Variants in RPS6KA4 observed in about 807,000 individuals in gnomAD.
The protein encoded by RPS6KA4 is ribosomal protein S6 kinase alpha-4.
A neutral mutation model predicts 89.6 loss-of-function variants in RPS6KA4; 38 were observed. The ratio of observed to expected loss-of-function variants is 0.42; its 90% CI spans 0.33 to 0.56. The LOEUF (loss-of-function observed/expected upper bound fraction) is 0.56. Ranked by LOEUF, RPS6KA4 falls within the 20% of genes least tolerant of loss-of-function variation. The pLI, the probability that RPS6KA4 is intolerant of heterozygous loss-of-function variation, is 0.07. For synonymous variants in RPS6KA4, 495 were observed against 492.8 expected, an observed-to-expected ratio of 1.00 and a Z score of -0.06; for missense variants, 873 against 1,098.8, an observed-to-expected ratio of 0.79 and a Z score of 2.90.
chr11:64,368,270 G>A lies in RPS6KA4; in HGVS notation c.1200+10G>A, dbSNP rs1372876220. 3.1e-6 allele frequency: 5 copies of A among 1,612,828 alleles called. No individual in the cohort carries two copies. Among genetic ancestry groups the A allele is most frequent in the Non-Finnish European group, 3.4e-6 (4 of 1,179,864 alleles). ...GAGCGCTATGATGCAGGTGGGCTGGGCTGGGCTGGGTTGGGGGGAAATTGG... is the reference window on the plus strand; with the variant it reads ...GAGCGCTATGATGCAGGTGGGCTGGACTGGGCTGGGTTGGGGGGAAATTGG... On this transcript the variant is annotated intron_variant, in intron 10 of 16. Coordinates refer to ENST00000334205, the MANE Select transcript of RPS6KA4 (RefSeq NM_003942.3).
rs1238821750 is a variant in RPS6KA4 at position 64,371,710 on chromosome 11, G to A, written c.*230G>A. 1 of 463,796 alleles carries A rather than the reference G, an allele frequency of 2.2e-6. No individual in the cohort carries two copies. The highest frequency in any genetic ancestry group is 3.1e-5 in the South Asian group (1 of 31,762). The allele number at this position is 463,796 out of a possible 1,614,324, so 28.7% of individuals were successfully genotyped here. On this transcript the variant is annotated 3_prime_UTR_variant, in exon 17 of 17. Transcript: ENST00000334205. Reference sequence around the variant, plus strand: ...GGGCCTGCTGGGGAGTGGGGTTTGGGGGGCCCTCTCCCAGGACACTGCCTC... The same window carrying A: ...GGGCCTGCTGGGGAGTGGGGTTTGGAGGGCCCTCTCCCAGGACACTGCCTC...
rs555410275 is a variant in RPS6KA4, at chr11:64,371,151, C to T, written c.2122-132C>T. The T allele has an allele frequency of 1.6e-4, 110 of 675,654 alleles. No individual in the cohort carries two copies. In the South Asian group the frequency reaches 1.8e-3, roughly 11 times the overall value. 41.9% of individuals were successfully genotyped at this position (675,654 alleles called of 1,614,324 possible). A position where few individuals can be genotyped will look rare whatever the true frequency, so the allele number is the denominator to read the frequency against. Reference sequence around the variant, plus strand: ...AGGGAGGTGAACCGAATCCGGTGGTCGGTCTGGAGGCCAAGGCCCTGTCGG... The same window carrying T: ...AGGGAGGTGAACCGAATCCGGTGGTTGGTCTGGAGGCCAAGGCCCTGTCGG... On this transcript the variant is annotated intron_variant, in intron 16 of 16. Coordinates refer to ENST00000334205, the MANE Select transcript of RPS6KA4 (RefSeq NM_003942.3).
chr11:64,365,454 C>G lies in RPS6KA4; in HGVS notation c.1060C>G (p.Arg354Gly), dbSNP rs2036856716. Residue 354 changes from arginine (R) to glycine (G), a missense_variant, in exon 9 of 17, where the codon CGA becomes GGA. Coordinates refer to ENST00000334205, the MANE Select transcript of RPS6KA4 (RefSeq NM_003942.3). ...TGGCAGCCCCCCACCTGGGGACCCC[C>G]GAATCTTTCAGGTGAGGGGAAACTC... The part of the protein sequence containing the change: ...PPGSPPPGDP[R>G]IFQGYSFVAP... 14 of 1,613,826 alleles carry G rather than the reference C, an allele frequency of 8.7e-6. No homozygotes were observed. The highest frequency in any genetic ancestry group is 1.1e-5 in the Non-Finnish European group (13 of 1,179,986).
At position 64,369,508 on chromosome 11, in the gene RPS6KA4, G is replaced by T; in HGVS notation, c.1491G>T (p.Lys497Asn). Residue 497 changes from lysine (K) to asparagine (N), a missense_variant, in exon 13 of 17, where the codon AAG becomes AAT. Around this residue, in one of 4 missense-constraint regions of RPS6KA4, gnomAD observed 542 missense variants for 736.4 expected, o/e 0.74. Coordinates refer to ENST00000334205, the MANE Select transcript of RPS6KA4 (RefSeq NM_003942.3). Reference sequence around the variant, plus strand: ...GGGAGCTGCTGGAGCACATCCGCAAGAAGCGGCACTTCAGCGAGTCGGAAG... The same window carrying T: ...GGGAGCTGCTGGAGCACATCCGCAATAAGCGGCACTTCAGCGAGTCGGAAG... ...RGGELLEHIR[K>N]KRHFSESEAS... The T allele has an allele frequency of 6.2e-7, 1 of 1,610,192 alleles. No individual in the cohort carries two copies. Among genetic ancestry groups the T allele is most frequent in the Non-Finnish European group, 8.5e-7 (1 of 1,179,030 alleles).
chr11:64,365,506 G>C (rs749338614), intron 9 of RPS6KA4, 41 bp downstream of exon 9: 2 of 1,608,516 alleles, frequency 1.2e-6, no homozygotes, highest in Non-Finnish European at 1.7e-6. Context: ...GGAGAGATGA[G>C]ATGTTGCTGT....
rs1426854591 is a variant in RPS6KA4 at position 64,361,795 on chromosome 11, T to C, written c.755+50T>C. On this transcript the variant is annotated intron_variant, in intron 7 of 16. Coordinates refer to ENST00000334205, the MANE Select transcript of RPS6KA4 (RefSeq NM_003942.3). The surrounding 1 kb of genome is among the most constrained non-coding windows in gnomAD (Gnocchi z 4.7). ...CGGCCAGAGGGCTGCAGGGCCTGCC[T>C]GGGCAGGGCTGTGGGTGGGGGGCTT... The C allele has an allele frequency of 1.3e-6, 2 of 1,583,070 alleles. No homozygotes were observed. The highest frequency in any genetic ancestry group is 1.7e-6 in the Non-Finnish European group (2 of 1,167,430).
intron 2 of RPS6KA4, 71 bp downstream of exon 2, chr11:64,359,520 G>T: frequency 1.3e-6 from 2 of 1,539,780 alleles, no homozygotes; most frequent in East Asian, 2.3e-5. Context: ...CTCACTCTTG[G>T]GCCTGGGCCA....
intron 8 of RPS6KA4, 53 bp downstream of exon 8, chr11:64,362,055 CTGT>C (rs1381916761): frequency 1.8e-5 from 28 of 1,560,398 alleles, no homozygotes; most frequent in Non-Finnish European, 2.1e-5. Context: ...GGTGGGGCTG[CTGT>C]TCCAGGTTGA....
At position 64,371,586 on chromosome 11, in the gene RPS6KA4, C is replaced by G. The variant is rs553604200; in HGVS notation, c.*106C>G. The G allele has an allele frequency of 5.6e-4, 333 of 590,648 alleles. 1 individual carries two copies. The highest frequency in any genetic ancestry group is 8.0e-4 in the Non-Finnish European group (265 of 332,130). 36.6% of individuals were successfully genotyped at this position (590,648 alleles called of 1,614,324 possible). On this transcript the variant is annotated 3_prime_UTR_variant, in exon 17 of 17. Coordinates refer to ENST00000334205, the MANE Select transcript of RPS6KA4 (RefSeq NM_003942.3). ...CTGACCTGATCCCCAAGGGACTGTC[C>G]TTTCCTCTCCTACCCCACCCCACTC...
chr11:64,362,175 AGAT>A (rs778613523), intron 8 of RPS6KA4, among the ~76,000 whole-genome samples, 173 bp downstream of exon 8: 7 of 152,232 alleles, frequency 4.6e-5, no homozygotes, highest in Non-Finnish European at 1.0e-4. Context: ...GAAACTTGGC[AGAT>A]GTGTTCCTGA....
rs200894902 is a variant in RPS6KA4 at position 64,370,315 on chromosome 11, G to A, written c.1888G>A (p.Glu630Lys). Residue 630 changes from glutamate to lysine, a missense_variant, in exon 15 of 17, where the codon GAG becomes AAG. Coordinates refer to ENST00000334205, the MANE Select transcript of RPS6KA4 (RefSeq NM_003942.3). This position sits in a 1 kb window ranked among gnomAD's most constrained non-coding sequence, Gnocchi z 4.1. ...GGCCGAGATCATGTGCAAAATCCGC[G>A]AGGGGCGCTTCTCCCTTGACGGGGA... ...QAAEIMCKIREGRFSLDGEAW... is the reference protein window; with the variant it reads ...QAAEIMCKIRKGRFSLDGEAW... The A allele has an allele frequency of 1.3e-6, 2 of 1,594,960 alleles. No individual in the cohort carries two copies. Among genetic ancestry groups the A allele is most frequent in the Non-Finnish European group, 8.5e-7 (1 of 1,174,942 alleles).
chr11:64,362,989 G>A (rs2036794788), intron 8 of RPS6KA4, among the ~76,000 whole-genome samples: 1 of 152,098 alleles, frequency 6.6e-6, no homozygotes, highest in African/African-American at 2.4e-5. Flanking sequence ...CTTGATTTTT[G>A]TCCCCATCTT....
At chr11:64,366,040 A>AC (rs200375608) in intron 9 of RPS6KA4, among the ~76,000 whole-genome samples, 2 of 149,280 alleles carry the variant, frequency 1.3e-5, no homozygotes, top group Non-Finnish European at 3.0e-5. Context: ...CTCCGTCTCA[A>AC]AAAAAAAAAA....
chr11:64,361,107 C>A lies in RPS6KA4; in HGVS notation c.463-27C>A. ...GCTGGGGAGGGTTTCGGGGAGGAAG[C>A]CTCAGCACCCCTCTTGCTCCTACCA... On this transcript the variant is annotated intron_variant, in intron 4 of 16. Transcript: ENST00000334205. The surrounding 1 kb of genome is among the most constrained non-coding windows in gnomAD (Gnocchi z 4.7). 6.3e-7 allele frequency: 1 copy of A among 1,597,404 alleles called. No individual in the cohort carries two copies. The highest frequency in any genetic ancestry group is 8.6e-7 in the Non-Finnish European group (1 of 1,167,250).
chr11:64,359,302 G>A lies in RPS6KA4; in HGVS notation c.55+12G>A. The A allele has an allele frequency of 6.3e-7, 1 of 1,596,422 alleles. No homozygotes were observed. Reference sequence around the variant, plus strand: ...GCGGATCACAGAAGGTGGGTGTGGGGCCTGACTGCGGCTGCCCGGGGCAGG... The same window carrying A: ...GCGGATCACAGAAGGTGGGTGTGGGACCTGACTGCGGCTGCCCGGGGCAGG... On this transcript the variant is annotated intron_variant, in intron 1 of 16. Transcript: ENST00000334205.
intron 1 of RPS6KA4, 30 bp from the exon 2 acceptor site, chr11:64,359,348 G>T (rs1046799628): frequency 2.3e-5 from 37 of 1,610,970 alleles, no homozygotes; most frequent in Non-Finnish European, 3.1e-5. Flanking sequence ...TCATGGACCG[G>T]CTGGGCTCAT....
At chr11:64,365,597 C>A (rs1410512375) in intron 9 of RPS6KA4, 132 bp downstream of exon 9, 12 of 918,254 alleles carry the variant, frequency 1.3e-5, no homozygotes, top group Non-Finnish European at 1.8e-5. Context: ...CTAGACGTCG[C>A]CACTTCAGTG....
Position 64,368,220 on chromosome 11 carries a change from G to A in RPS6KA4, c.1160G>A (p.Arg387Gln), listed in dbSNP as rs368450242. Reference sequence around the variant, plus strand: ...CTGGAAGCGCCTGGTGCTGGAGACCGGCCAGGTCGGGCAGCGGTGGCCAGG... The same window carrying A: ...CTGGAAGCGCCTGGTGCTGGAGACCAGCCAGGTCGGGCAGCGGTGGCCAGG... ...DGLEAPGAGD[R>Q]PGRAAVARSA... The change falls in exon 10 of 17, where the codon CGG (arginine) becomes CAG (glutamine). Residue 387 changes from arginine to glutamine, a missense_variant. Physicochemically the swap from Arg to Gln is conservative, Grantham distance 43. Coordinates refer to ENST00000334205, the MANE Select transcript of RPS6KA4 (RefSeq NM_003942.3). 1.3e-5 allele frequency: 21 copies of A among 1,613,484 alleles called. No individual in the cohort carries two copies. Among genetic ancestry groups the A allele is most frequent in the African/African-American group, 5.3e-5 (4 of 74,934 alleles).
chr11:64,363,091 T>TCA (rs2036796714), intron 8 of RPS6KA4, among the ~76,000 whole-genome samples: 1 of 152,240 alleles, frequency 6.6e-6, no homozygotes, highest in Admixed American at 6.5e-5. Context: ...GAGGCTTGAA[T>TCA]GCCTGTGCTT....
Sources: gnomAD v4.1 joint callset for allele counts (sites outside exome capture counted in the v4.1 genomes callset) on GRCh38, gnomAD v4.1.1 for gene constraint, gnomAD v4.1.1 regional missense constraint, Gnocchi (gnomAD v3.1) non-coding constraint, MANE v1.5 for transcripts, NCBI Gene and HGNC (gene_info 2026-07-23, HGNC 2026-07-21) for gene names.